The following CMC2 variants were observed in gnomAD, a reference collection of about 807,000 sequenced individuals.
CMC2 encodes the protein COX assembly mitochondrial protein 2 homolog.
Under a neutral mutation model 7.5 loss-of-function variants are expected in CMC2, and 5 were observed. The observed-to-expected ratio is 0.66, with a 90% CI of 0.35 to 1.40. CMC2 has a LOEUF of 1.40. Among genes scored for constraint, CMC2 ranks in the 40% most tolerant of loss-of-function variants. The pLI is 0.04. For synonymous variants in CMC2, 37 were observed against 31.4 expected (o/e 1.18, Z -0.60); for missense variants, 115 against 92.3 (o/e 1.25, Z -1.01).
rs1342175347 is a variant in CMC2 at position 80,976,087 on chromosome 16, T to C, written c.*6A>G. 1.9e-6 allele frequency: 3 copies of C among 1,546,134 alleles called. No homozygotes were observed. Among genetic ancestry groups the C allele is most frequent in the South Asian group, 2.2e-5 (2 of 89,792 alleles). On this transcript the variant is annotated 3_prime_UTR_variant, in exon 4 of 4. Coordinates refer to ENST00000219400, the MANE Select transcript of CMC2 (RefSeq NM_020188.5). ...TCTCAGCCAAGGCATCGAGTGAAAA[T>C]ACAATTTATTTTTCGGATTCCTCTG... is the stretch of plus-strand genomic sequence containing the variant.
intron 1 of CMC2, among the ~76,000 whole-genome samples, chr16:81,004,984 T>C (rs985975759): frequency 6.6e-6 from 1 of 152,262 alleles, no homozygotes; most frequent in African/African-American, 2.4e-5. Context: ...GATTTTCCTA[T>C]TGTGCGGCTG....
intron 1 of CMC2, among the ~76,000 whole-genome samples, chr16:81,005,373 C>A (rs1377387285): frequency 6.6e-6 from 1 of 152,048 alleles, no homozygotes; most frequent in African/African-American, 2.4e-5. Context: ...GATCGCGCCA[C>A]TGCACTCCAG....
chr16:80,981,699 T>C, intron 3 of CMC2, 107 bp downstream of exon 3: 1 of 685,278 alleles, frequency 1.5e-6, no homozygotes. Flanking sequence ...GTCAATTTTC[T>C]GTTACACTAA....
chr16:81,001,905 A>ACCT, intron 1 of CMC2, among the ~76,000 whole-genome samples: 1 of 152,266 alleles, frequency 6.6e-6, no homozygotes, highest in East Asian at 1.9e-4. Flanking sequence ...GCACCTAGTT[A>ACCT]AGTATTCATT....
intron 2 of CMC2, among the ~76,000 whole-genome samples, chr16:80,993,330 G>T (rs192127809): frequency 6.6e-6 from 1 of 152,320 alleles, no homozygotes; most frequent in Non-Finnish European, 1.5e-5. Flanking sequence ...TCCAAACCAT[G>T]TAGCAGAGAA....
rs1911818064 is a variant in CMC2 at position 80,970,145 on chromosome 16, A to G, written c.*5948T>C. 2 of 152,208 alleles carry G rather than the reference A, an allele frequency of 1.3e-5. No homozygotes were observed. Among genetic ancestry groups the G allele is most frequent in the Admixed American group, 6.5e-5 (1 of 15,276 alleles). The allele number at this position is 152,208 out of a possible 1,614,324, so 9.4% of individuals were successfully genotyped here. A position where few individuals can be genotyped will look rare whatever the true frequency, so the allele number is the denominator to read the frequency against. On this transcript the variant is annotated 3_prime_UTR_variant, in exon 4 of 4. Transcript: ENST00000219400. ...GAAACTTCAGAGCCACATTGCAATT[A>G]AAAAGCTGTCTAGCAAAAAAGAGAA...
At chr16:80,987,870 T>G (rs572214465) in intron 2 of CMC2, among the ~76,000 whole-genome samples, 7 of 152,172 alleles carry the variant, frequency 4.6e-5, no homozygotes, top group Non-Finnish European at 7.4e-5. Flanking sequence ...TTCACTCGAT[T>G]TATTAATTAA....
chr16:80,997,680 C>T (rs2151646574), intron 1 of CMC2: 1 of 249,748 alleles, frequency 4.0e-6, no homozygotes, highest in South Asian at 1.4e-4. Flanking sequence ...TCAAGAGACC[C>T]AATCCCGGAA....
At chr16:80,979,256 T>C (rs1966920824) in intron 3 of CMC2, among the ~76,000 whole-genome samples, 3 of 151,968 alleles carry the variant, frequency 2.0e-5, no homozygotes, top group Non-Finnish European at 4.4e-5. Context: ...AATTAGAGAA[T>C]AAACATCTAC....
At chr16:80,989,817 G>T (rs2549840) in intron 2 of CMC2, among the ~76,000 whole-genome samples, 99,032 of 151,974 alleles carry the variant, frequency 0.65, 34,020 homozygotes, top group South Asian at 0.8. Flanking sequence ...ATGACAGTAA[G>T]AAACCTGTCT....
Position 81,006,818 on chromosome 16 carries a change from C to T in CMC2, c.-120G>A. ...CGAAGGCCGGCTGCTAGGGAGCAGA[C>T]AGCTGAACCGCTTGCCAGACGCCGA... On this transcript the variant is annotated 5_prime_UTR_variant, in exon 1 of 4. Transcript: ENST00000219400. 1 of 985,618 alleles carries T rather than the reference C, an allele frequency of 1.0e-6. No individual in the cohort carries two copies. The highest frequency in any genetic ancestry group is 1.2e-6 in the Non-Finnish European group (1 of 830,072). 61.1% of individuals were successfully genotyped at this position (985,618 alleles called of 1,614,324 possible).
chr16:80,981,803 T>C lies in CMC2; in HGVS notation c.153+3A>G, dbSNP rs754588732. ...CATATCCATCCTTTGACACTTTTCT[T>C]ACCTCATTCTTCAGGCATTTTCTCA... On this transcript the variant is annotated splice_donor_region_variant and intron_variant, in intron 3 of 3. Coordinates refer to ENST00000219400, the MANE Select transcript of CMC2 (RefSeq NM_020188.5). 1 of 1,594,246 alleles carries C rather than the reference T, an allele frequency of 6.3e-7. No homozygotes were observed. The highest frequency in any genetic ancestry group is 1.7e-4 in the Middle Eastern group (1 of 6,008).
Position 80,975,323 on chromosome 16 carries a change from A to T in CMC2, c.*770T>A, listed in dbSNP as rs1346859821. On this transcript the variant is annotated 3_prime_UTR_variant, in exon 4 of 4. Coordinates refer to ENST00000219400, the MANE Select transcript of CMC2 (RefSeq NM_020188.5). The stretch of plus-strand genomic sequence containing the variant: ...TTATCAATGTTAAGTGTAAATATTT[A>T]ATCTTTTAGTCTGGGCACAGTGGCT... 6.6e-6 allele frequency: 1 copy of T among 152,242 alleles called. No homozygotes were observed. The highest frequency in any genetic ancestry group is 2.4e-5 in the African/African-American group (1 of 41,460). 9.4% of individuals were successfully genotyped at this position (152,242 alleles called of 1,614,324 possible). A position where few individuals can be genotyped will look rare whatever the true frequency, so the allele number is the denominator to read the frequency against.
chr16:80,988,966 A>G (rs1413878081), intron 2 of CMC2, among the ~76,000 whole-genome samples: 1 of 152,102 alleles, frequency 6.6e-6, no homozygotes, highest in Non-Finnish European at 1.5e-5. Flanking sequence ...TTTCTTCACA[A>G]CTCGATTCAG....
At chr16:80,980,904 A>G in intron 3 of CMC2, 2 of 696,108 alleles carry the variant, frequency 2.9e-6, no homozygotes, top group South Asian at 1.5e-5. Context: ...AAAAGAAAAA[A>G]AGAAACAAAC....
chr16:81,003,281 A>G (rs1190516353), intron 1 of CMC2, among the ~76,000 whole-genome samples: 3 of 152,260 alleles, frequency 2.0e-5, no homozygotes, highest in Non-Finnish European at 4.4e-5. Context: ...AACAAACTGA[A>G]GAAACGCTAA....
intron 3 of CMC2, chr16:80,980,899 A>G (rs1180197417): frequency 4.3e-6 from 3 of 695,706 alleles, no homozygotes; most frequent in Non-Finnish European, 7.8e-6. Flanking sequence ...AAGAAAAAAG[A>G]AAAAAAGAAA....
In CMC2 at chr16:81,006,211, G is replaced by GA. The variant is rs1415904170; in HGVS notation, c.-36+522dup. ...CCTGGAAAAAAAAAGCATTAAAGGA[G>GA]AAAAAAGAGTAAAGTGTACTGATGG... On this transcript the variant is annotated intron_variant, in intron 1 of 3. Transcript: ENST00000219400. 8.1e-5 allele frequency among the ~76,000 whole-genome samples: 11 copies of GA among 136,476 alleles called. No individual in the cohort carries two copies. The East Asian group carries it at 2.3e-3, about 29-fold the overall frequency. The allele number at this position is 136,476 out of a possible 152,430, so 89.5% of individuals were successfully genotyped here.
At chr16:80,988,558 CT>C (rs1481418104) in intron 2 of CMC2, 1 of 701,870 alleles carries the variant, frequency 1.4e-6, no homozygotes, top group Non-Finnish European at 2.6e-6. Flanking sequence ...CCGAGCTTTT[CT>C]TCTGAACCGA....
Sources: allele counts gnomAD v4.1 joint callset (sites outside exome capture counted in the v4.1 genomes callset), GRCh38; gene constraint gnomAD v4.1.1; transcripts MANE v1.5; gene names NCBI Gene and HGNC (gene_info 2026-07-23, HGNC 2026-07-21).